Variants in CSMD1 observed in about 807,000 individuals in gnomAD.
CSMD1 encodes CUB and Sushi multiple domains 1.
A neutral mutation model predicts 417.5 loss-of-function variants in CSMD1; 213 were observed. The observed-to-expected ratio is 0.51, with a 90% CI of 0.46 to 0.57. The LOEUF is 0.57. Among genes scored for constraint, CSMD1 ranks in the 20% least tolerant of loss-of-function variants. The pLI is 0.00. For missense variants in CSMD1, 6,923 were observed against 4,529.7 expected, an observed-to-expected ratio of 1.53 and a Z score of -15.17; for synonymous variants, 2,862 against 1,736.8, an observed-to-expected ratio of 1.65 and a Z score of -16.11.
chr8:4,744,528 A>G (rs1810825909), intron 1 of CSMD1, among the ~76,000 whole-genome samples: 1 of 152,180 alleles, frequency 6.6e-6, no homozygotes, highest in South Asian at 2.1e-4. Flanking sequence ...TATATGAATT[A>G]CCTGTCTATA....
chr8:3,515,455 G>T (rs11783295), intron 10 of CSMD1: 3 of 152,064 alleles, frequency 2.0e-5, no homozygotes, highest in African/African-American at 7.2e-5. Flanking sequence ...ATTTGCAAGA[G>T]AGGAATACAC....
intron 2 of CSMD1, among the ~76,000 whole-genome samples, chr8:4,564,433 G>A (rs1379432920): frequency 6.6e-6 from 1 of 152,162 alleles, no homozygotes; most frequent in Non-Finnish European, 1.5e-5. Flanking sequence ...AGATCAAGGT[G>A]CCAGGGGATC....
At chr8:4,644,541 G>C (rs1803396668) in intron 1 of CSMD1, among the ~76,000 whole-genome samples, 1 of 152,038 alleles carries the variant, frequency 6.6e-6, no homozygotes, top group South Asian at 2.1e-4. Context: ...AGAGTAGCTG[G>C]GATTACAGGC....
intron 23 of CSMD1, among the ~76,000 whole-genome samples, chr8:3,332,329 G>A (rs1212354734): frequency 6.6e-6 from 1 of 152,224 alleles, no homozygotes; most frequent in African/African-American, 2.4e-5. Context: ...AGCAGAGAAG[G>A]GAAGGTGGGG....
chr8:4,534,253 G>T (rs1796983886), intron 2 of CSMD1, among the ~76,000 whole-genome samples: 5 of 152,162 alleles, frequency 3.3e-5, no homozygotes, highest in Admixed American at 2.0e-4. Context: ...TGGCCCCAAG[G>T]ATGCTGAAGG....
chr8:4,839,713 ATT>A (rs1211252680), intron 1 of CSMD1, among the ~76,000 whole-genome samples: 1 of 152,334 alleles, frequency 6.6e-6, no homozygotes, highest in East Asian at 1.9e-4. Context: ...GATAAGTACA[ATT>A]TTGGTAATAA....
chr8:4,615,533 T>C (rs1452634042), intron 2 of CSMD1, among the ~76,000 whole-genome samples: 2 of 152,222 alleles, frequency 1.3e-5, no homozygotes, highest in African/African-American at 4.8e-5. Context: ...AAATATTGCA[T>C]ATTTAGCAAA....
At position 3,057,365 on chromosome 8, in the gene CSMD1, T is replaced by C. The variant is rs557114100; in HGVS notation, c.7475-4718A>G. 3.2e-4 allele frequency among the ~76,000 whole-genome samples: 48 copies of C among 152,284 alleles called. No individual in the cohort carries two copies. The South Asian group carries it at 9.5e-3, about 30-fold the overall frequency. ...TATATTTAGTAAGATTATAATCAAA[T>C]AATTAAATTCAAAATCAGGGTCATT... On this transcript the variant is annotated intron_variant, in intron 49 of 69. Transcript: ENST00000635120.
intron 3 of CSMD1, among the ~76,000 whole-genome samples, chr8:4,409,483 G>A (rs745650198): frequency 2.0e-5 from 3 of 152,078 alleles, no homozygotes; most frequent in Non-Finnish European, 2.9e-5. Flanking sequence ...TACCTAAGTT[G>A]ATATTTGAGA....
At chr8:4,556,648 T>C (rs1394805121) in intron 2 of CSMD1, among the ~76,000 whole-genome samples, 2 of 152,210 alleles carry the variant, frequency 1.3e-5, no homozygotes, top group African/African-American at 4.8e-5. Flanking sequence ...TTTAATAGGA[T>C]AGTGATAGTG....
intron 1 of CSMD1, among the ~76,000 whole-genome samples, chr8:4,899,905 A>G (rs1172583301): frequency 6.6e-6 from 1 of 152,176 alleles, no homozygotes; most frequent in Non-Finnish European, 1.5e-5. Flanking sequence ...CTCTGTCCCT[A>G]GAGTTTACCC....
At chr8:4,768,093 T>A (rs143485016) in intron 1 of CSMD1, among the ~76,000 whole-genome samples, 387 of 152,268 alleles carry the variant, frequency 2.5e-3, no homozygotes, top group Non-Finnish European at 4.6e-3. Context: ...ACCCAGCAGT[T>A]ATGTGTTCTC....
At chr8:3,716,426 G>A (rs1044487983) in intron 6 of CSMD1, among the ~76,000 whole-genome samples, 2 of 152,176 alleles carry the variant, frequency 1.3e-5, no homozygotes, top group Non-Finnish European at 2.9e-5. Context: ...TGCTAAACAA[G>A]GGGTGGATTA....
intron 10 of CSMD1, among the ~76,000 whole-genome samples, chr8:3,522,295 C>T (rs548338749): frequency 2.6e-5 from 4 of 151,854 alleles, no homozygotes; most frequent in African/African-American, 7.2e-5. Flanking sequence ...TTGGCAACTA[C>T]GAAGTAAGAA....
chr8:3,496,599 G>A (rs1459152279), intron 10 of CSMD1, among the ~76,000 whole-genome samples: 2 of 152,168 alleles, frequency 1.3e-5, no homozygotes, highest in Non-Finnish European at 2.9e-5. Context: ...AGGCCGAGGA[G>A]GGTGGGTCAT....
At chr8:3,794,839 G>C (rs375726690) in intron 5 of CSMD1, among the ~76,000 whole-genome samples, 1 of 150,042 alleles carries the variant, frequency 6.7e-6, no homozygotes, top group South Asian at 2.1e-4. Context: ...AAATTATCAA[G>C]GAAGCCCATA....
At chr8:4,133,868 G>A (rs144796617) in intron 3 of CSMD1, among the ~76,000 whole-genome samples, 20 of 152,188 alleles carry the variant, frequency 1.3e-4, no homozygotes, top group African/African-American at 4.6e-4. Flanking sequence ...CACATATAAA[G>A]ACAGGAAATT....
In CSMD1 at chr8:3,399,504, C is replaced by A. The variant is rs374326454; in HGVS notation, c.2292G>T (p.Ala764=). 7.2e-5 allele frequency: 115 copies of A among 1,602,754 alleles called. No homozygotes were observed. In the African/African-American group the frequency reaches 9.6e-4, roughly 13 times the overall value. The change falls in exon 16 of 70, where the codon GCG becomes GCT. Residue 764 remains alanine, a synonymous_variant. Coordinates refer to ENST00000635120, the MANE Select transcript of CSMD1 (RefSeq NM_033225.6). The part of the protein sequence containing the change: ...CEAPCGGHLT[A]SSGVILPPGW... ...CAGGAGGCAAAATGACTCCGCTGGA[C>A]GCTGTCAGATGTCCACCACATGGAG...
intron 2 of CSMD1, among the ~76,000 whole-genome samples, chr8:4,523,161 G>A (rs1803566480): frequency 6.6e-6 from 1 of 152,264 alleles, no homozygotes; most frequent in East Asian, 1.9e-4. Flanking sequence ...TAATGGTAAT[G>A]ATCTCGTCTA....
Sources: allele counts gnomAD v4.1 joint callset (sites outside exome capture counted in the v4.1 genomes callset), GRCh38; gene constraint gnomAD v4.1.1; transcripts MANE v1.5; gene names NCBI Gene and HGNC (gene_info 2026-07-23, HGNC 2026-07-21).